The following SLC14A2 variants were observed in gnomAD, a reference collection of about 807,000 sequenced individuals.
The protein encoded by SLC14A2 is urea transporter 2.
SLC14A2 carries 91 observed loss-of-function variants against 104.6 expected under a neutral mutation model. That is an observed-to-expected ratio of 0.87 (90% CI 0.73 to 1.04). The LOEUF is 1.04. Among genes scored for constraint, SLC14A2 ranks in the 50% least tolerant of loss-of-function variants. The pLI is 0.00. For missense variants in SLC14A2, 1,189 were observed against 1,156.0 expected, an observed-to-expected ratio of 1.03 and a Z score of -0.41; for synonymous variants, 476 against 466.4, an observed-to-expected ratio of 1.02 and a Z score of -0.27.
chr18:45,474,136 CAT>C (rs2087307359), intron 1 of SLC14A2, among the ~76,000 whole-genome samples: 1 of 152,244 alleles, frequency 6.6e-6, no homozygotes, highest in East Asian at 1.9e-4. Context: ...TTGAGATAAT[CAT>C]GTGGTTTTTG....
intron 1 of SLC14A2, among the ~76,000 whole-genome samples, chr18:45,424,471 A>G (rs2086395258): frequency 6.6e-6 from 1 of 152,236 alleles, no homozygotes; most frequent in Non-Finnish European, 1.5e-5. Flanking sequence ...GCCTGAAGGC[A>G]GGAAGAAAGG....
At chr18:45,405,047 A>G (rs1190793977) in intron 1 of SLC14A2, among the ~76,000 whole-genome samples, 1 of 152,156 alleles carries the variant, frequency 6.6e-6, no homozygotes, top group African/African-American at 2.4e-5. Context: ...ATTCTAAATT[A>G]GAAGATCCAT....
chr18:45,215,004 C>T (rs1241738426), intron 1 of SLC14A2, among the ~76,000 whole-genome samples: 3 of 150,246 alleles, frequency 2.0e-5, no homozygotes, highest in African/African-American at 7.4e-5. Context: ...GCAGTAAGTA[C>T]TCTTGGAGTT....
chr18:45,361,149 G>A (rs181755115), intron 1 of SLC14A2, among the ~76,000 whole-genome samples: 1 of 152,260 alleles, frequency 6.6e-6, no homozygotes, highest in Admixed American at 6.5e-5. Context: ...AGCATTTTGT[G>A]TCCCTCTGAT....
At chr18:45,605,060 T>C (rs2044846511) in intron 2 of SLC14A2, among the ~76,000 whole-genome samples, 1 of 152,152 alleles carries the variant, frequency 6.6e-6, no homozygotes, top group Non-Finnish European at 1.5e-5. Flanking sequence ...ATCATCATCA[T>C]AATACAATAT....
At position 45,651,452 on chromosome 18, in the gene SLC14A2, AG is replaced by A. The variant is rs931536096; in HGVS notation, c.1351+7293del. 4.8e-4 allele frequency among the ~76,000 whole-genome samples: 73 copies of A among 152,334 alleles called. No individual in the cohort carries two copies. The Middle Eastern group carries it at 0.017, about 35-fold the overall frequency. ...GCATGTGGGAGAAGTCAACTTGTTC[AG>A]TGTTTCTCCAGAGCACAGAGGGAGT... On this transcript the variant is annotated intron_variant, in intron 10 of 19. Transcript: ENST00000255226.
intron 1 of SLC14A2, among the ~76,000 whole-genome samples, chr18:45,366,355 T>C (rs374022626): frequency 7.9e-5 from 12 of 152,262 alleles, no homozygotes; most frequent in African/African-American, 1.7e-4. Flanking sequence ...AAACAGAGAC[T>C]CTGAGCTCTG....
chr18:45,391,178 T>A (rs981036419), intron 1 of SLC14A2, among the ~76,000 whole-genome samples: 18 of 152,174 alleles, frequency 1.2e-4, no homozygotes, highest in African/African-American at 4.3e-4. Context: ...ATGTGGTGTT[T>A]GGTTTTTTGT....
intron 1 of SLC14A2, among the ~76,000 whole-genome samples, chr18:45,249,056 G>A (rs910588161): frequency 1.3e-5 from 2 of 152,150 alleles, no homozygotes; most frequent in Non-Finnish European, 2.9e-5. Flanking sequence ...AGCGTCCTTT[G>A]GGGGTTACCT....
rs201779844 is a variant in SLC14A2 at position 45,624,833 on chromosome 18, A to C, written c.150+19A>C. The C allele has an allele frequency of 6.8e-4, 1,073 of 1,587,754 alleles. No individual in the cohort carries two copies. The highest frequency in any genetic ancestry group is 8.6e-4 in the Non-Finnish European group (1,005 of 1,164,730). On this transcript the variant is annotated intron_variant, in intron 2 of 19. Coordinates refer to ENST00000255226, the MANE Select transcript of SLC14A2 (RefSeq NM_007163.4). ...AGAAAAGGTGAGAAGTGTCCCTCCT[A>C]GGATGTTTCCTGGGAGGGAGGGGAT...
At chr18:45,460,540 T>G (rs2087026007) in intron 1 of SLC14A2, among the ~76,000 whole-genome samples, 1 of 152,208 alleles carries the variant, frequency 6.6e-6, no homozygotes, top group African/African-American at 2.4e-5. Context: ...AGGTCTGAAC[T>G]GTAAGAGAAG....
chr18:45,482,549 TGG>T (rs1349939043), intron 1 of SLC14A2: 2 of 152,222 alleles, frequency 1.3e-5, no homozygotes, highest in Non-Finnish European at 1.5e-5. Flanking sequence ...AAGTGATTGT[TGG>T]CAGGATTCAG....
rs537730941 is a variant in SLC14A2, at chr18:45,536,233, G to C, written c.-35+52911G>C. On this transcript the variant is annotated intron_variant, in intron 2 of 20. Transcript: ENST00000586448. ...AGAGATGGCTCTGAGACAAGAGTGGGGTGGGCTTGAACAAGAAAGCATAAA... is the reference window on the plus strand; with the variant it reads ...AGAGATGGCTCTGAGACAAGAGTGGCGTGGGCTTGAACAAGAAAGCATAAA... Among the ~76,000 whole-genome samples, 24 of 152,304 alleles carry C rather than the reference G, an allele frequency of 1.6e-4. No individual in the cohort carries two copies. The South Asian group carries it at 5.0e-3, about 32-fold the overall frequency.
rs539840083 is a variant in SLC14A2 at position 45,433,538 on chromosome 18, T to C, written c.-124-49695T>C. On this transcript the variant is annotated intron_variant, in intron 1 of 20. Coordinates refer to the SLC14A2 transcript ENST00000586448. ...CACACTATTCTTGTGACACTTACCT[T>C]ATTCTATCACACTTCTCCGCCTTGT... Among the ~76,000 whole-genome samples, 33 of 152,296 alleles carry C rather than the reference T, an allele frequency of 2.2e-4. 1 individual carries two copies. Among genetic ancestry groups the C allele is most frequent in the Admixed American group, 8.5e-4 (13 of 15,304 alleles).
intron 1 of SLC14A2, among the ~76,000 whole-genome samples, chr18:45,267,119 A>G (rs1045743586): frequency 6.6e-6 from 1 of 152,152 alleles, no homozygotes; most frequent in African/African-American, 2.4e-5. Flanking sequence ...TCTGCCAAAA[A>G]TTCCAATTAT....
intron 1 of SLC14A2, among the ~76,000 whole-genome samples, chr18:45,225,931 G>T (rs1034674963): frequency 3.3e-5 from 5 of 152,090 alleles, no homozygotes; most frequent in Non-Finnish European, 5.9e-5. Flanking sequence ...CCTGTCATCT[G>T]CAAACATCCA....
intron 2 of SLC14A2, among the ~76,000 whole-genome samples, chr18:45,584,217 G>A (rs1040026837): frequency 2.6e-5 from 4 of 152,130 alleles, no homozygotes; most frequent in African/African-American, 9.7e-5. Context: ...TGGATACAGG[G>A]TGATTTTTCA....
chr18:45,346,963 A>G (rs2085454510), intron 1 of SLC14A2, among the ~76,000 whole-genome samples: 1 of 148,542 alleles, frequency 6.7e-6, no homozygotes, highest in African/African-American at 2.6e-5. Flanking sequence ...CGAGACTCAA[A>G]AATAAAAATA....
intron 1 of SLC14A2, among the ~76,000 whole-genome samples, chr18:45,357,786 A>G (rs2085570441): frequency 6.6e-6 from 1 of 152,152 alleles, no homozygotes; most frequent in African/African-American, 2.4e-5. Flanking sequence ...AGGAACCCTG[A>G]TGAAGAAAGG....
Sources: gnomAD v4.1 joint callset for allele counts (sites outside exome capture counted in the v4.1 genomes callset) on GRCh38, gnomAD v4.1.1 for gene constraint, MANE v1.5 for transcripts, NCBI Gene and HGNC (gene_info 2026-07-23, HGNC 2026-07-21) for gene names.